Variants in PKIB observed in about 807,000 individuals in gnomAD.
The protein encoded by PKIB is PKI-beta.
PKIB carries 2 observed loss-of-function variants against 4.5 expected under a neutral mutation model. That is an observed-to-expected ratio of 0.44 (90% CI 0.18 to 1.39). PKIB has a LOEUF of 1.39. Among genes scored for constraint, PKIB ranks in the 40% most tolerant of loss-of-function variants. The pLI is 0.27. For missense variants in PKIB, 94 were observed against 92.6 expected (o/e 1.02, Z -0.06); for synonymous variants, 38 against 36.0 (o/e 1.06, Z -0.20).
intron 1 of PKIB, among the ~76,000 whole-genome samples, chr6:122,617,672 G>C (rs1387446213): frequency 6.6e-6 from 1 of 151,852 alleles, no homozygotes; most frequent in Non-Finnish European, 1.5e-5. Flanking sequence ...CAGTTGATTT[G>C]TTTTCTTTTT....
At chr6:122,541,748 C>T (rs961364991) in intron 2 of PKIB, among the ~76,000 whole-genome samples, 36 of 151,982 alleles carry the variant, frequency 2.4e-4, no homozygotes, top group Admixed American at 2.1e-3. Flanking sequence ...AGATTGGGGA[C>T]GTTCTCCTGG....
At chr6:122,636,563 GA>G (rs570102945) in intron 2 of PKIB, among the ~76,000 whole-genome samples, 2 of 151,956 alleles carry the variant, frequency 1.3e-5, no homozygotes, top group Non-Finnish European at 2.9e-5. Flanking sequence ...TATGCAGAAA[GA>G]AAAAATAGCA....
chr6:122,545,968 T>G (rs1772482149), intron 2 of PKIB, among the ~76,000 whole-genome samples: 1 of 151,244 alleles, frequency 6.6e-6, no homozygotes. Flanking sequence ...TCTCCCTGGG[T>G]GCCCAGGTAT....
chr6:122,524,190 CTCT>C (rs1257370280), intron 2 of PKIB, among the ~76,000 whole-genome samples: 20 of 139,886 alleles, frequency 1.4e-4, no homozygotes, highest in South Asian at 4.8e-4. Context: ...CTTCATCCTC[CTCT>C]TCTTCTTTCT....
At chr6:122,648,340 C>T (rs1297974939) in intron 2 of PKIB, among the ~76,000 whole-genome samples, 5 of 152,124 alleles carry the variant, frequency 3.3e-5, no homozygotes, top group Non-Finnish European at 7.3e-5. Context: ...GTTGGATTCA[C>T]GAATTCTGGC....
chr6:122,505,118 T>G (rs1776356911), intron 2 of PKIB, among the ~76,000 whole-genome samples: 1 of 152,220 alleles, frequency 6.6e-6, no homozygotes, highest in African/African-American at 2.4e-5. Context: ...TGAATTTTCT[T>G]TGTGTTCAAA....
In PKIB at chr6:122,544,554, T is replaced by C. The variant is rs973397706; in HGVS notation, c.-247-41367T>C. On this transcript the variant is annotated intron_variant, in intron 2 of 6. Coordinates refer to the PKIB transcript ENST00000392491. Reference sequence around the variant, plus strand: ...TCCAACCTGGAGGGGTGTTTTGAGATTTGGGCGTGGATATTAGAATGGAGA... The same window carrying C: ...TCCAACCTGGAGGGGTGTTTTGAGACTTGGGCGTGGATATTAGAATGGAGA... 5.3e-5 allele frequency among the ~76,000 whole-genome samples: 8 copies of C among 152,072 alleles called. No individual in the cohort carries two copies. In the East Asian group the frequency reaches 1.4e-3, roughly 26 times the overall value.
At chr6:122,474,740 G>A (rs1775409587) in intron 1 of PKIB, among the ~76,000 whole-genome samples, 1 of 152,206 alleles carries the variant, frequency 6.6e-6, no homozygotes, top group Admixed American at 6.5e-5. Flanking sequence ...TGGGAGATCT[G>A]TGGAGTACTA....
chr6:122,676,259 A>G (rs1777669148), intron 3 of PKIB, among the ~76,000 whole-genome samples: 1 of 151,922 alleles, frequency 6.6e-6, no homozygotes, highest in African/African-American at 2.4e-5. Context: ...TTATGCTCCT[A>G]TGGGAATCTA....
intron 2 of PKIB, among the ~76,000 whole-genome samples, chr6:122,562,217 C>T (rs1220020171): frequency 2.0e-5 from 3 of 151,838 alleles, no homozygotes; most frequent in African/African-American, 4.8e-5. Context: ...ATATATGAAG[C>T]TTAGTTTTGC....
chr6:122,561,988 GTTTTTGTTTT>G (rs1440463173), intron 2 of PKIB, among the ~76,000 whole-genome samples: 5 of 24,274 alleles, frequency 2.1e-4, no homozygotes, highest in Admixed American at 9.8e-4. Flanking sequence ...TTTTTTGTTT[GTTTTTGTTTT>G]TTTTTGTTTT....
At chr6:122,607,377 G>A (rs1774578573), upstream of PKIB, among the ~76,000 whole-genome samples, 1 of 152,132 alleles carries the variant, frequency 6.6e-6, no homozygotes, top group Non-Finnish European at 1.5e-5. Context: ...AGTTAGCCAG[G>A]TGTGGTGATG....
chr6:122,725,047 GA>G (rs1165717622), intron 4 of PKIB, 80 bp from the exon 5 acceptor site: 4 of 1,130,998 alleles, frequency 3.5e-6, no homozygotes, highest in Non-Finnish European at 5.1e-6. Context: ...GTGGACAAAG[GA>G]AAAACCAATG....
intron 2 of PKIB, among the ~76,000 whole-genome samples, chr6:122,513,762 G>T (rs1776658851): frequency 6.6e-6 from 1 of 151,976 alleles, no homozygotes; most frequent in Admixed American, 6.6e-5. Flanking sequence ...AATTTCCTTG[G>T]GATTATGGCC....
At chr6:122,578,443 A>G (rs1389138664) in intron 2 of PKIB, among the ~76,000 whole-genome samples, 1 of 152,070 alleles carries the variant, frequency 6.6e-6, no homozygotes, top group Non-Finnish European at 1.5e-5. Flanking sequence ...ATGCAAAACT[A>G]ATTTTCCTCT....
At chr6:122,555,330 G>A (rs1463250747) in intron 2 of PKIB, among the ~76,000 whole-genome samples, 6 of 152,332 alleles carry the variant, frequency 3.9e-5, no homozygotes, top group Admixed American at 1.3e-4. Flanking sequence ...TCTAGGAAAC[G>A]TGAGGAATCC....
At chr6:122,535,538 T>TA (rs1357589252) in intron 2 of PKIB, among the ~76,000 whole-genome samples, 2 of 152,136 alleles carry the variant, frequency 1.3e-5, no homozygotes, top group South Asian at 2.1e-4. Context: ...GTCTGTCCAG[T>TA]AAAAAATCTA....
chr6:122,644,388 T>A (rs1490732228), intron 2 of PKIB: 2 of 152,194 alleles, frequency 1.3e-5, no homozygotes. Flanking sequence ...TACAGGAGCC[T>A]CAGAAGTCAT....
intron 1 of PKIB, among the ~76,000 whole-genome samples, chr6:122,629,652 G>A (rs1349106744): frequency 2.0e-5 from 3 of 152,188 alleles, no homozygotes; most frequent in East Asian, 1.9e-4. Flanking sequence ...GGTCAACATC[G>A]GTAGTGATGC....
Sources: gnomAD v4.1 joint callset for allele counts (sites outside exome capture counted in the v4.1 genomes callset) on GRCh38, gnomAD v4.1.1 for gene constraint, MANE v1.5 for transcripts, NCBI Gene and HGNC (gene_info 2026-07-23, HGNC 2026-07-21) for gene names.